Variants in NLGN1 observed in about 807,000 individuals in gnomAD.
NLGN1 encodes neuroligin 1.
In NLGN1, 12 loss-of-function variants were observed where a neutral mutation model predicts 65.5. The ratio of observed to expected loss-of-function variants is 0.18; its 90% CI spans 0.12 to 0.30. NLGN1 has a LOEUF of 0.30. NLGN1 is among the 10% of genes least tolerant of loss of function. The pLI is 1.00. For missense variants in NLGN1, 750 were observed against 1,007.1 expected, an observed-to-expected ratio of 0.74 and a Z score of 3.46; for synonymous variants, 350 against 359.5, an observed-to-expected ratio of 0.97 and a Z score of 0.30.
chr3:173,891,543 T>A (rs1735332871), intron 4 of NLGN1, among the ~76,000 whole-genome samples: 1 of 152,160 alleles, frequency 6.6e-6, no homozygotes, highest in African/African-American at 2.4e-5. Flanking sequence ...CCTTTATTCC[T>A]TCTTCTAAAG....
At chr3:173,529,720 TCCAC>T (rs953351913) in intron 2 of NLGN1, among the ~76,000 whole-genome samples, 3 of 152,106 alleles carry the variant, frequency 2.0e-5, no homozygotes, top group Non-Finnish European at 4.4e-5. Flanking sequence ...ACCTCTTTGT[TCCAC>T]CCAATAAAGA....
intron 4 of NLGN1, among the ~76,000 whole-genome samples, chr3:174,156,547 T>C (rs539904086): frequency 6.6e-6 from 1 of 151,954 alleles, no homozygotes; most frequent in South Asian, 2.1e-4. Flanking sequence ...TTCTCTAAAA[T>C]TAATAGATTT....
At chr3:173,839,736 C>T (rs1192277712) in intron 4 of NLGN1, among the ~76,000 whole-genome samples, 1 of 152,138 alleles carries the variant, frequency 6.6e-6, no homozygotes. Flanking sequence ...GTTTTTAAAG[C>T]TAGTGTGCAC....
chr3:173,796,486 C>T (rs539275251), intron 3 of NLGN1, among the ~76,000 whole-genome samples: 24 of 152,160 alleles, frequency 1.6e-4, no homozygotes, highest in African/African-American at 5.5e-4. Flanking sequence ...CTTTACCTTG[C>T]TTAGTCCTGT....
intron 3 of NLGN1, among the ~76,000 whole-genome samples, chr3:173,688,616 A>G (rs1031480964): frequency 3.3e-5 from 5 of 152,214 alleles, no homozygotes; most frequent in African/African-American, 1.2e-4. Context: ...CATGGCAGAC[A>G]CTACGTTATT....
chr3:173,846,254 C>T (rs1007696120), intron 4 of NLGN1, among the ~76,000 whole-genome samples: 8 of 152,130 alleles, frequency 5.3e-5, no homozygotes, highest in Admixed American at 1.3e-4. Context: ...TGAGTGAAGA[C>T]TTATTGGAAA....
intron 2 of NLGN1, among the ~76,000 whole-genome samples, chr3:173,485,681 T>A (rs1241296747): frequency 6.6e-6 from 1 of 152,180 alleles, no homozygotes; most frequent in East Asian, 1.9e-4. Flanking sequence ...CTTTGAGGCA[T>A]CTTTTAAAAT....
intron 2 of NLGN1, among the ~76,000 whole-genome samples, chr3:173,482,109 A>G (rs1727395173): frequency 6.6e-6 from 1 of 151,912 alleles, no homozygotes; most frequent in African/African-American, 2.4e-5. Flanking sequence ...GTAATATTTG[A>G]TGATGTTCAC....
chr3:173,827,174 A>G (rs1721506480), intron 4 of NLGN1, among the ~76,000 whole-genome samples: 2 of 152,078 alleles, frequency 1.3e-5, no homozygotes, highest in South Asian at 2.1e-4. Flanking sequence ...TCTTGTAATT[A>G]GTTAGACTTT....
chr3:173,486,828 A>G (rs1331873024), intron 2 of NLGN1, among the ~76,000 whole-genome samples: 2 of 152,126 alleles, frequency 1.3e-5, no homozygotes, highest in Non-Finnish European at 2.9e-5. Flanking sequence ...TTCTGTTCAA[A>G]TAGAAGCTTC....
intron 4 of NLGN1, among the ~76,000 whole-genome samples, chr3:174,154,546 T>G (rs1171767385): frequency 6.6e-6 from 1 of 152,020 alleles, no homozygotes; most frequent in Non-Finnish European, 1.5e-5. Flanking sequence ...ATGAAATGTG[T>G]TACAATGAGA....
intron 3 of NLGN1, among the ~76,000 whole-genome samples, chr3:173,617,350 A>G (rs185280535): frequency 6.6e-5 from 10 of 152,312 alleles, no homozygotes; most frequent in South Asian, 2.1e-4. Context: ...GCTCACTGCT[A>G]TATCTATAGC....
intron 4 of NLGN1, among the ~76,000 whole-genome samples, chr3:173,911,990 T>C (rs987575594): frequency 6.6e-6 from 1 of 152,186 alleles, no homozygotes; most frequent in African/African-American, 2.4e-5. Context: ...ATTTACAATG[T>C]GCTAAATTTT....
In NLGN1 at chr3:173,606,130, T is replaced by C. The variant is rs138964550; in HGVS notation, c.493+1039T>C. ...GTAATAGTGTTTTTTTCTTAGTCTTTTCATTTTCAGTCACTTTTCCAGAGG... is the reference window on the plus strand; with the variant it reads ...GTAATAGTGTTTTTTTCTTAGTCTTCTCATTTTCAGTCACTTTTCCAGAGG... On this transcript the variant is annotated intron_variant, in intron 3 of 6. Transcript: ENST00000457714. 9.2e-5 allele frequency among the ~76,000 whole-genome samples: 14 copies of C among 152,208 alleles called. No homozygotes were observed. In the East Asian group the frequency reaches 2.7e-3, roughly 30 times the overall value.
chr3:173,895,455 G>T lies in NLGN1; in HGVS notation c.646+87623G>T, dbSNP rs560052090. On this transcript the variant is annotated intron_variant, in intron 4 of 6. Coordinates refer to ENST00000457714, the Ensembl canonical transcript of NLGN1. ...CAAAGAGAAGCCAAAATATGGTAAA[G>T]ATTTTTAAAATATTTCCTTTCAGAC... 7.2e-5 allele frequency among the ~76,000 whole-genome samples: 11 copies of T among 152,124 alleles called. No individual in the cohort carries two copies. In the South Asian group the frequency reaches 2.1e-3, roughly 29 times the overall value.
chr3:173,762,048 T>G (rs2150212585), intron 3 of NLGN1, among the ~76,000 whole-genome samples: 1 of 152,250 alleles, frequency 6.6e-6, no homozygotes, highest in Non-Finnish European at 1.5e-5. Flanking sequence ...TTAGTACTAT[T>G]CAGCAATATT....
At chr3:173,788,833 TAAAAAAAAAAAAAAAAAAA>T (rs3979635) in intron 3 of NLGN1, among the ~76,000 whole-genome samples, 4,863 of 53,818 alleles carry the variant, frequency 0.09, 228 homozygotes, top group African/African-American at 0.19. Context: ...AGACCTCATT[TAAAAAAAAAAAAAAAAAAA>T]AAAAAAAAAA....
intron 4 of NLGN1, among the ~76,000 whole-genome samples, chr3:174,270,467 G>GAGGATTTAAATACATTATATTTT (rs1749195403): frequency 1.3e-5 from 2 of 151,656 alleles, no homozygotes; most frequent in African/African-American, 4.8e-5. Flanking sequence ...GCCTAATTGT[G>GAGGATTTAAATACATTATATTTT]AGGATTTAAA....
At chr3:173,426,771 A>G (rs1409203324) in intron 1 of NLGN1, among the ~76,000 whole-genome samples, 1 of 152,004 alleles carries the variant, frequency 6.6e-6, no homozygotes, top group Non-Finnish European at 1.5e-5. Context: ...CATCAGGGAT[A>G]TTGGCTTCCA....
Sources: gnomAD v4.1 joint callset for allele counts (sites outside exome capture counted in the v4.1 genomes callset) on GRCh38, gnomAD v4.1.1 for gene constraint, MANE v1.5 for transcripts, NCBI Gene and HGNC (gene_info 2026-07-23, HGNC 2026-07-21) for gene names.